The following GRPR variants were observed in gnomAD, a reference collection of about 807,000 sequenced individuals.
The protein encoded by GRPR is gastrin releasing peptide receptor, also known as gastrin-releasing peptide receptor.
GRPR carries 4 observed loss-of-function variants against 15.6 expected under a neutral mutation model. The ratio of observed to expected loss-of-function variants is 0.26; its 90% CI spans 0.13 to 0.59. GRPR has a LOEUF of 0.59. GRPR is among the 20% of genes least tolerant of loss of function. The probability of loss-of-function intolerance (pLI) is 0.90; values close to 1 mark genes in which losing one functional copy is unlikely to be tolerated. For synonymous variants in GRPR, 128 were observed against 126.8 expected (o/e 1.01, Z -0.06); for missense variants, 270 against 304.1 (o/e 0.89, Z 0.83).
At chrX:16,128,792 T>C (rs373502529) in intron 1 of GRPR, among the ~76,000 whole-genome samples, 1 of 110,064 alleles carries the variant, frequency 9.1e-6, no homozygotes, top group Admixed American at 9.7e-5. Context: ...GGTGGATAGA[T>C]GGATGAATGG....
chrX:16,152,028 C>G (rs1922714038), intron 2 of GRPR, among the ~76,000 whole-genome samples: 1 of 106,684 alleles, frequency 9.4e-6, no homozygotes, highest in Admixed American at 9.6e-5. Flanking sequence ...TTCTGTGTTT[C>G]TGACTCTTTT....
chrX:16,143,568 G>A (rs1922560519), intron 1 of GRPR, among the ~76,000 whole-genome samples: 1 of 112,334 alleles, frequency 8.9e-6, no homozygotes, highest in Non-Finnish European at 1.9e-5. Flanking sequence ...GTTCCTATTG[G>A]AGGAATACCT....
intron 1 of GRPR, among the ~76,000 whole-genome samples, chrX:16,131,568 G>C (rs745898531): frequency 2.7e-5 from 3 of 112,006 alleles, no homozygotes; most frequent in Non-Finnish European, 5.6e-5. Flanking sequence ...AGTCAAGATA[G>C]AGGACATTTT....
intron 1 of GRPR, among the ~76,000 whole-genome samples, chrX:16,129,984 G>A (rs1922353457): frequency 9.0e-6 from 1 of 111,097 alleles, no homozygotes; most frequent in African/African-American, 3.3e-5. Flanking sequence ...CTGATGGCTG[G>A]GCCCTATTCT....
intron 1 of GRPR, among the ~76,000 whole-genome samples, chrX:16,140,071 C>G (rs182433539): frequency 8.9e-6 from 1 of 112,059 alleles, no homozygotes; most frequent in Admixed American, 9.4e-5. Context: ...CCTCTCTCCC[C>G]GTCTTGGACC....
intron 1 of GRPR, among the ~76,000 whole-genome samples, chrX:16,132,725 T>A (rs191855759): frequency 6.3e-5 from 7 of 111,994 alleles, no homozygotes; most frequent in African/African-American, 2.3e-4. Flanking sequence ...CATATATATG[T>A]TTAGGATTAA....
At chrX:16,126,811 A>G (rs1922300378) in intron 1 of GRPR, among the ~76,000 whole-genome samples, 1 of 112,383 alleles carries the variant, frequency 8.9e-6, no homozygotes, top group Non-Finnish European at 1.9e-5. Context: ...GTTCCATTGT[A>G]TGAATACACT....
At chrX:16,127,614 T>C (rs938987655) in intron 1 of GRPR, among the ~76,000 whole-genome samples, 3 of 111,768 alleles carry the variant, frequency 2.7e-5, no homozygotes, top group Non-Finnish European at 5.6e-5. Context: ...TCATCCCATG[T>C]GGCATTTGGG....
intron 1 of GRPR, among the ~76,000 whole-genome samples, chrX:16,127,641 A>G (rs894913523): frequency 1.7e-4 from 19 of 111,797 alleles, no homozygotes; most frequent in African/African-American, 6.5e-5. Flanking sequence ...ATGGGTATCA[A>G]CAAACCTGCA....
intron 2 of GRPR, 66 bp downstream of exon 2, chrX:16,150,722 C>A: frequency 1.5e-6 from 1 of 658,907 alleles, no homozygotes; most frequent in Non-Finnish European, 2.5e-6. Context: ...TTTTGGACCC[C>A]ACTGACAAGC....
chrX:16,130,536 G>A (rs963528287), intron 1 of GRPR, among the ~76,000 whole-genome samples: 1 of 112,346 alleles, frequency 8.9e-6, no homozygotes, highest in Non-Finnish European at 1.9e-5. Context: ...TTTCTGGACA[G>A]TGGGAGCTAC....
chrX:16,146,828 C>T (rs1922613811), intron 1 of GRPR, among the ~76,000 whole-genome samples: 1 of 112,242 alleles, frequency 8.9e-6, no homozygotes, highest in Admixed American at 9.5e-5. Flanking sequence ...GTCTATCTCT[C>T]TCCCTCTAGG....
intron 1 of GRPR, 94 bp from the exon 2 acceptor site, chrX:16,150,211 T>G: frequency 1.6e-6 from 1 of 625,721 alleles, no homozygotes; most frequent in Admixed American, 2.3e-5. Flanking sequence ...TTAAATATTG[T>G]ACGCCAGGTG....
At chrX:16,146,763 C>G (rs1421364342) in intron 1 of GRPR, among the ~76,000 whole-genome samples, 1 of 112,014 alleles carries the variant, frequency 8.9e-6, no homozygotes, top group Non-Finnish European at 1.9e-5. Flanking sequence ...TATACAAAAC[C>G]ATTAGACTTG....
chrX:16,152,286 G>A lies in GRPR; in HGVS notation c.796G>A (p.Val266Met). The A allele has an allele frequency of 1.7e-6, 2 of 1,208,658 alleles. No homozygotes were observed. Among genetic ancestry groups the A allele is most frequent in the East Asian group, 5.9e-5 (2 of 33,820 alleles). ...IESRKRLAKT[V>M]LVFVGLFAFC... ...ATCCCGGAAGCGACTTGCCAAGACAGTGCTGGTGTTTGTGGGCCTGTTCGC... is the reference window on the plus strand; with the variant it reads ...ATCCCGGAAGCGACTTGCCAAGACAATGCTGGTGTTTGTGGGCCTGTTCGC... Residue 266 changes from valine (V) to methionine (M), a missense_variant, in exon 3 of 3, where the codon GTG (valine) becomes ATG (methionine). Transcript: ENST00000380289.
At position 16,123,979 on chromosome X, in the gene GRPR, T is replaced by C. The variant is rs1827652217; in HGVS notation, c.26T>C (p.Leu9Pro). MALNDCFL[L>P]NLEVDHFMHC... The stretch of plus-strand genomic sequence containing the variant: ...ATGGCTCTAAATGACTGTTTCCTTC[T>C]GAACTTGGAGGTGGACCATTTCATG... The change falls in exon 1 of 3, where the codon CTG (leucine) becomes CCG (proline). Residue 9 changes from leucine to proline, a missense_variant. Leu to Pro is a moderately conservative substitution (Grantham distance 98). This residue lies in a region of GRPR where 115 missense variants were observed against 128.8 expected (regional missense o/e 0.89). Transcript: ENST00000380289. 1.7e-6 allele frequency: 2 copies of C among 1,210,257 alleles called. No homozygotes were observed. The highest frequency in any genetic ancestry group is 3.0e-5 in the East Asian group (1 of 33,843).
chrX:16,138,762 A>C (rs1464479261), intron 1 of GRPR, among the ~76,000 whole-genome samples: 1 of 111,444 alleles, frequency 9.0e-6, no homozygotes, highest in Non-Finnish European at 1.9e-5. Context: ...TTGCCCTTTT[A>C]ACCATCTTTA....
chrX:16,140,926 T>TC (rs962905710), intron 1 of GRPR, among the ~76,000 whole-genome samples: 1 of 111,925 alleles, frequency 8.9e-6, no homozygotes, highest in Non-Finnish European at 1.9e-5. Context: ...TTTGTTTTTT[T>TC]CCCCCGTTCT....
intron 1 of GRPR, among the ~76,000 whole-genome samples, chrX:16,141,805 T>A (rs1372045977): frequency 8.9e-6 from 1 of 111,975 alleles, no homozygotes; most frequent in Non-Finnish European, 1.9e-5. Context: ...ATATGTAGTA[T>A]CCAAACTGAG....
Sources: gnomAD v4.1 joint callset for allele counts (sites outside exome capture counted in the v4.1 genomes callset) on GRCh38, gnomAD v4.1.1 for gene constraint, gnomAD v4.1.1 regional missense constraint, MANE v1.5 for transcripts, NCBI Gene and HGNC (gene_info 2026-07-23, HGNC 2026-07-21) for gene names.